The following PDE1C variants were observed in gnomAD, a reference collection of about 807,000 sequenced individuals.
The protein encoded by PDE1C is phosphodiesterase 1C.
Under a neutral mutation model 93.1 loss-of-function variants are expected in PDE1C, and 62 were observed. The observed-to-expected ratio is 0.67, with a 90% CI of 0.54 to 0.82. The LOEUF (loss-of-function observed/expected upper bound fraction) is 0.82, where lower values mean the gene tolerates loss of function less well. Ranked by LOEUF, PDE1C falls within the 40% of genes least tolerant of loss-of-function variation. The pLI is 0.00. For missense variants in PDE1C, 742 were observed against 884.6 expected (o/e 0.84, Z 2.04); for synonymous variants, 325 against 310.1 (o/e 1.05, Z -0.50).
At chr7:31,651,834 C>T in the PDE1C span, 1 of 708,184 alleles carries the variant, frequency 1.4e-6, no homozygotes, top group Non-Finnish European at 2.4e-6. Flanking sequence ...ATGACATTCT[C>T]TTTTAAGAAA....
intron 2 of PDE1C, among the ~76,000 whole-genome samples, chr7:32,007,365 G>A (rs376400103): frequency 6.6e-6 from 1 of 152,104 alleles, no homozygotes; most frequent in Non-Finnish European, 1.5e-5. Flanking sequence ...TTTTTTTCTA[G>A]CAAAGCTTCA....
intron 2 of PDE1C, among the ~76,000 whole-genome samples, chr7:32,205,858 G>C (rs1424870591): frequency 2.6e-5 from 4 of 152,222 alleles, no homozygotes; most frequent in South Asian, 4.1e-4. Context: ...GAGTCATTAA[G>C]ATCGTGAACC....
At chr7:31,989,164 A>G (rs1307202397) in intron 2 of PDE1C, among the ~76,000 whole-genome samples, 2 of 152,074 alleles carry the variant, frequency 1.3e-5, no homozygotes, top group Admixed American at 6.5e-5. Flanking sequence ...TAAATAATAC[A>G]AAATAATAAT....
At chr7:31,864,269 C>A (rs1289336650) in intron 7 of PDE1C, among the ~76,000 whole-genome samples, 3 of 152,076 alleles carry the variant, frequency 2.0e-5, no homozygotes, top group East Asian at 1.9e-4. Context: ...GATAGCAGGA[C>A]CACTTGAGCC....
the PDE1C span, among the ~76,000 whole-genome samples, chr7:31,734,075 C>T: frequency 6.6e-6 from 1 of 152,042 alleles, no homozygotes; most frequent in Non-Finnish European, 1.5e-5. Flanking sequence ...AACTACCCCT[C>T]CCCCACCACC....
intron 2 of PDE1C, among the ~76,000 whole-genome samples, chr7:31,888,908 T>A (rs1192492490): frequency 1.3e-5 from 2 of 152,142 alleles, no homozygotes; most frequent in Non-Finnish European, 2.9e-5. Flanking sequence ...ATGGTACCAT[T>A]CACAGAAACA....
Position 31,874,839 on chromosome 7 carries a change from C to T in PDE1C, c.493-1431G>A, listed in dbSNP as rs142818544. ...TGAGTGTTTACACGCATTTGCAAAA[C>T]CTCGCAAGTCTAGAGATAGGTGTTA... On this transcript the variant is annotated intron_variant, in intron 5 of 17. Coordinates refer to ENST00000396191, the MANE Select transcript of PDE1C (RefSeq NM_001191057.4). Among the ~76,000 whole-genome samples, 294 of 152,320 alleles carry T rather than the reference C, an allele frequency of 1.9e-3. 2 individuals carry two copies. Among genetic ancestry groups the T allele is most frequent in the African/African-American group, 6.6e-3 (274 of 41,568 alleles).
At chr7:31,633,413 G>C in the PDE1C span, among the ~76,000 whole-genome samples, 1 of 152,218 alleles carries the variant, frequency 6.6e-6, no homozygotes, top group Non-Finnish European at 1.5e-5. Context: ...GTAAGCACTA[G>C]CTAAATGACC....
At chr7:31,639,523 T>G in the PDE1C span, among the ~76,000 whole-genome samples, 1 of 75,220 alleles carries the variant, frequency 1.3e-5, no homozygotes, top group Non-Finnish European at 2.3e-5. Context: ...GTTTTTCTTT[T>G]GTTTGTTTGT....
chr7:32,313,542 G>T (rs1324778157), intron 1 of PDE1C, among the ~76,000 whole-genome samples: 2 of 151,930 alleles, frequency 1.3e-5, no homozygotes, highest in Non-Finnish European at 2.9e-5. Context: ...AGAAAATATG[G>T]CACATATACA....
At chr7:32,000,337 T>C (rs900404659) in intron 2 of PDE1C, among the ~76,000 whole-genome samples, 2 of 152,098 alleles carry the variant, frequency 1.3e-5, no homozygotes, top group Admixed American at 6.5e-5. Flanking sequence ...TCAAGACAAG[T>C]AGGCTCCTAT....
intron 2 of PDE1C, among the ~76,000 whole-genome samples, chr7:32,042,741 A>T (rs904559254): frequency 1.3e-5 from 2 of 152,194 alleles, no homozygotes; most frequent in African/African-American, 4.8e-5. Context: ...CTGCCCAGTG[A>T]TCTCTGTGCT....
intron 16 of PDE1C, chr7:31,808,111 A>G: frequency 2.5e-6 from 1 of 405,600 alleles, no homozygotes; most frequent in South Asian, 1.9e-5. Flanking sequence ...TTTATAATAG[A>G]TGTGCAAAGA....
At chr7:32,372,122 C>T (rs1276314237) in intron 1 of PDE1C, among the ~76,000 whole-genome samples, 2 of 137,498 alleles carry the variant, frequency 1.5e-5, no homozygotes, top group African/African-American at 2.7e-5. Context: ...GGCACAATTT[C>T]GGCTCACCGC....
At chr7:31,748,721 T>G (rs1794057418), downstream of PDE1C, among the ~76,000 whole-genome samples, 1 of 152,204 alleles carries the variant, frequency 6.6e-6, no homozygotes, top group East Asian at 1.9e-4. Context: ...CAACTGGCCT[T>G]GCTGACGGCA....
At chr7:31,964,155 A>C (rs1273568428) in intron 2 of PDE1C, among the ~76,000 whole-genome samples, 1 of 152,244 alleles carries the variant, frequency 6.6e-6, no homozygotes, top group Non-Finnish European at 1.5e-5. Flanking sequence ...AAGCACGGCA[A>C]AGCATCACCT....
chr7:32,363,899 T>C (rs1046365002), intron 1 of PDE1C, among the ~76,000 whole-genome samples: 2 of 152,246 alleles, frequency 1.3e-5, no homozygotes, highest in African/African-American at 4.8e-5. Context: ...TTGTTTTATG[T>C]GTTTTACACA....
At chr7:32,136,196 A>G (rs1179940966) in intron 3 of PDE1C, among the ~76,000 whole-genome samples, 8 of 152,204 alleles carry the variant, frequency 5.3e-5, no homozygotes, top group Non-Finnish European at 1.0e-4. Context: ...TCTAATATAC[A>G]GCATGAGTGG....
chr7:32,141,559 T>C (rs910800603), intron 3 of PDE1C, among the ~76,000 whole-genome samples: 1 of 152,088 alleles, frequency 6.6e-6, no homozygotes, highest in Non-Finnish European at 1.5e-5. Flanking sequence ...AGAAAAAATA[T>C]CAACAAACCC....
Sources: allele counts gnomAD v4.1 joint callset (sites outside exome capture counted in the v4.1 genomes callset), GRCh38; gene constraint gnomAD v4.1.1; transcripts MANE v1.5; gene names NCBI Gene and HGNC (gene_info 2026-07-23, HGNC 2026-07-21).